Variants in LYZL4 observed in about 807,000 individuals in gnomAD.
The protein encoded by LYZL4 is lysozyme like 4.
Under a neutral mutation model 17.6 loss-of-function variants are expected in LYZL4, and 13 were observed. The observed-to-expected ratio is 0.74, with a 90% CI of 0.48 to 1.18. The LOEUF (loss-of-function observed/expected upper bound fraction) is 1.18, where lower values mean the gene tolerates loss of function less well. Ranked by LOEUF, LYZL4 falls within the 50% of genes most tolerant of loss-of-function variation. The pLI, the probability that LYZL4 is intolerant of heterozygous loss-of-function variation, is 0.00. For missense variants in LYZL4, 174 were observed against 188.2 expected (o/e 0.92, Z 0.44); for synonymous variants, 64 against 67.7 (o/e 0.95, Z 0.27).
chr3:42,380,627 C>T, the LYZL4 span, among the ~76,000 whole-genome samples: 1,521 of 152,292 alleles, frequency 1.0e-2, 12 homozygotes, highest in Non-Finnish European at 0.014. Flanking sequence ...AGCTTTCTAA[C>T]CAGTTCCCAG....
chr3:42,372,334 G>A, the LYZL4 span, among the ~76,000 whole-genome samples: 3 of 152,234 alleles, frequency 2.0e-5, no homozygotes, highest in Non-Finnish European at 4.4e-5. Flanking sequence ...AAGAGTTGAT[G>A]TGAGATGAAT....
chr3:42,407,090 A>C (rs1234770577), intron 2 of LYZL4, 23 bp downstream of exon 2: 5 of 1,613,948 alleles, frequency 3.1e-6, no homozygotes, highest in Non-Finnish European at 4.2e-6. Context: ...GAGAGGAGGG[A>C]GCACTAAGTG....
At chr3:42,360,780 GT>G in the LYZL4 span, among the ~76,000 whole-genome samples, 5 of 149,428 alleles carry the variant, frequency 3.3e-5, no homozygotes, top group Admixed American at 6.7e-5. Context: ...TTTATATGCA[GT>G]TTTTTTTTTA....
At chr3:42,395,821 G>A (rs1232622778), downstream of LYZL4, among the ~76,000 whole-genome samples, 1 of 152,162 alleles carries the variant, frequency 6.6e-6, no homozygotes, top group Non-Finnish European at 1.5e-5. Context: ...TAACATTTTG[G>A]GAGGCGAGGC....
Position 42,397,201 on chromosome 3 carries a change from A to C in LYZL4, c.*64T>G. On this transcript the variant is annotated 3_prime_UTR_variant, in exon 5 of 5. Transcript: ENST00000287748. ...CATCAAAAGGATTGACTGAAGCAGC[A>C]AGCAGAAAAGCACCTTCATTCACAA... 3 of 1,111,726 alleles carry C rather than the reference A, an allele frequency of 2.7e-6. No individual in the cohort carries two copies. Among genetic ancestry groups the C allele is most frequent in the Non-Finnish European group, 4.0e-6 (3 of 755,732 alleles). The allele number at this position is 1,111,726 out of a possible 1,614,324, so 68.9% of individuals were successfully genotyped here.
the LYZL4 span, among the ~76,000 whole-genome samples, chr3:42,386,393 A>C: frequency 1.1e-3 from 24 of 21,002 alleles, no homozygotes; most frequent in African/African-American, 2.4e-3. Context: ...TTGAGCCACC[A>C]CGCCCCCCCC....
At chr3:42,375,845 T>G in the LYZL4 span, among the ~76,000 whole-genome samples, 1 of 152,222 alleles carries the variant, frequency 6.6e-6, no homozygotes, top group Admixed American at 6.5e-5. Flanking sequence ...CATTGGATGT[T>G]CTTTTAAGAC....
chr3:42,378,483 C>A, the LYZL4 span, among the ~76,000 whole-genome samples: 1 of 152,224 alleles, frequency 6.6e-6, no homozygotes, highest in Non-Finnish European at 1.5e-5. Context: ...TCTCTAATCC[C>A]TGAAGTACTC....
chr3:42,406,453 CAAAAAAAAA>C (rs565639489), intron 3 of LYZL4, among the ~76,000 whole-genome samples: 5 of 84,156 alleles, frequency 5.9e-5, no homozygotes, highest in Middle Eastern at 6.6e-3. Context: ...GACTCCGTCT[CAAAAAAAAA>C]AAAAAAAAAA....
chr3:42,401,840 T>G (rs763667639), intron 4 of LYZL4, among the ~76,000 whole-genome samples: 1 of 152,096 alleles, frequency 6.6e-6, no homozygotes, highest in Non-Finnish European at 1.5e-5. Context: ...TGACACAATA[T>G]TAAACTTCTT....
At chr3:42,384,387 C>T in the LYZL4 span, among the ~76,000 whole-genome samples, 3 of 152,010 alleles carry the variant, frequency 2.0e-5, no homozygotes, top group African/African-American at 7.2e-5. Flanking sequence ...CAAGGGATCT[C>T]AGGAGAGAGG....
At chr3:42,388,430 C>A in the LYZL4 span, among the ~76,000 whole-genome samples, 3 of 152,204 alleles carry the variant, frequency 2.0e-5, no homozygotes, top group African/African-American at 7.2e-5. Context: ...AGACACAGAT[C>A]AATCTGATGA....
At chr3:42,390,055 C>T in the LYZL4 span, among the ~76,000 whole-genome samples, 1 of 152,060 alleles carries the variant, frequency 6.6e-6, no homozygotes, top group Non-Finnish European at 1.5e-5. Flanking sequence ...GTTCATTTTG[C>T]CTGGAAAGAA....
chr3:42,387,033 A>G, the LYZL4 span, among the ~76,000 whole-genome samples: 2 of 152,118 alleles, frequency 1.3e-5, no homozygotes, highest in African/African-American at 4.8e-5. Flanking sequence ...GCTAACTTCC[A>G]CCACCTCAAG....
intron 4 of LYZL4, among the ~76,000 whole-genome samples, chr3:42,400,555 G>A (rs1446458606): frequency 6.6e-6 from 1 of 152,176 alleles, no homozygotes; most frequent in East Asian, 1.9e-4. Context: ...ATTATTATAG[G>A]ATTTCCTCTA....
At chr3:42,374,913 A>C in the LYZL4 span, among the ~76,000 whole-genome samples, 6 of 152,010 alleles carry the variant, frequency 3.9e-5, no homozygotes, top group Non-Finnish European at 1.5e-5. Context: ...GCCTCAACCC[A>C]TCCTCCCACC....
the LYZL4 span, among the ~76,000 whole-genome samples, chr3:42,381,285 T>C: frequency 6.8e-6 from 1 of 146,758 alleles, no homozygotes; most frequent in Non-Finnish European, 1.5e-5. Context: ...TAAATGCCTA[T>C]ACCAAGACCT....
chr3:42,362,299 GA>G, the LYZL4 span, among the ~76,000 whole-genome samples: 2 of 152,152 alleles, frequency 1.3e-5, no homozygotes, highest in East Asian at 3.8e-4. Flanking sequence ...CTTCTTTACA[GA>G]AAAATGCCAG....
chr3:42,380,476 C>T, the LYZL4 span, among the ~76,000 whole-genome samples: 6 of 152,212 alleles, frequency 3.9e-5, no homozygotes, highest in African/African-American at 1.4e-4. Flanking sequence ...GCAGCTGAAC[C>T]ATGTTAAATA....
Sources: allele counts gnomAD v4.1 joint callset (sites outside exome capture counted in the v4.1 genomes callset), GRCh38; gene constraint gnomAD v4.1.1; transcripts MANE v1.5; gene names NCBI Gene and HGNC (gene_info 2026-07-23, HGNC 2026-07-21).